The following SCLT1 variants were observed in gnomAD, a reference collection of about 807,000 sequenced individuals.
SCLT1 encodes the protein sodium channel-associated protein 1.
SCLT1 carries 78 observed loss-of-function variants against 112.8 expected under a neutral mutation model. That is an observed-to-expected ratio of 0.69 (90% CI 0.58 to 0.83). SCLT1 has a LOEUF of 0.83. SCLT1 is among the 40% of genes least tolerant of loss of function. SCLT1 has a pLI of 0.00. For missense variants in SCLT1, 747 were observed against 770.4 expected (o/e 0.97, Z 0.36); for synonymous variants, 257 against 254.7 (o/e 1.01, Z -0.09).
chr4:129,060,203 T>C (rs1749829368), intron 2 of SCLT1, among the ~76,000 whole-genome samples: 2 of 152,212 alleles, frequency 1.3e-5, no homozygotes, highest in African/African-American at 2.4e-5. Flanking sequence ...TTTCTCTTTG[T>C]TAAATTTCTT....
At chr4:129,080,167 T>C (rs1751812190) in intron 2 of SCLT1, among the ~76,000 whole-genome samples, 1 of 152,212 alleles carries the variant, frequency 6.6e-6, no homozygotes, top group Admixed American at 6.5e-5. Flanking sequence ...TTGAGGCATC[T>C]TTATTGTCTT....
In SCLT1 at chr4:129,007,461, A is replaced by G. The variant is rs562748809; in HGVS notation, c.291-3585T>C. On this transcript the variant is annotated intron_variant, in intron 5 of 20. Coordinates refer to ENST00000281142, the MANE Select transcript of SCLT1 (RefSeq NM_144643.4). ...TTCAGAACTGTCATATCTTTTGGGC[A>G]AATATAATTTCGTATCATTATGGAA... Among the ~76,000 whole-genome samples, 7 of 152,288 alleles carry G rather than the reference A, an allele frequency of 4.6e-5. No homozygotes were observed. In the South Asian group the frequency reaches 1.4e-3, roughly 32 times the overall value.
intron 4 of SCLT1, chr4:129,040,189 A>T (rs774538768): frequency 1.4e-6 from 1 of 702,692 alleles, no homozygotes; most frequent in Non-Finnish European, 2.6e-6. Flanking sequence ...TGAAAGGTGA[A>T]CTTTTCCAAG....
At chr4:129,058,828 A>G (rs1393996377) in intron 2 of SCLT1, among the ~76,000 whole-genome samples, 1 of 152,172 alleles carries the variant, frequency 6.6e-6, no homozygotes, top group Admixed American at 6.5e-5. Context: ...ATTGTATTAC[A>G]GTCTATCTAT....
intron 18 of SCLT1, among the ~76,000 whole-genome samples, chr4:128,933,694 G>A (rs985582664): frequency 5.9e-5 from 9 of 152,032 alleles, no homozygotes; most frequent in Admixed American, 4.6e-4. Flanking sequence ...CGTTCTTAAC[G>A]AGTAAAATAC....
In SCLT1 at chr4:128,997,112, A is replaced by G. The variant is rs141345250; in HGVS notation, c.615+762T>C. 52 of 152,122 alleles carry G rather than the reference A, an allele frequency of 3.4e-4. 1 individual carries two copies. The highest frequency in any genetic ancestry group is 6.9e-4 in the Non-Finnish European group (47 of 67,888). 9.4% of individuals were successfully genotyped at this position (152,122 alleles called of 1,614,324 possible). A position where few individuals can be genotyped will look rare whatever the true frequency, so the allele number is the denominator to read the frequency against. On this transcript the variant is annotated intron_variant, in intron 8 of 20. Coordinates refer to ENST00000281142, the MANE Select transcript of SCLT1 (RefSeq NM_144643.4). Reference sequence around the variant, plus strand: ...AAACTGTATGTAATTAGACACTTCAAATGTTAACAGAATAGGTACAGATTG... The same window carrying G: ...AAACTGTATGTAATTAGACACTTCAGATGTTAACAGAATAGGTACAGATTG...
chr4:129,038,908 G>C, intron 5 of SCLT1, 133 bp downstream of exon 5: 3 of 660,334 alleles, frequency 4.5e-6, no homozygotes, highest in Non-Finnish European at 8.3e-6. Context: ...ATCGAGCCAG[G>C]AGTCAAATAG....
At chr4:128,896,543 G>C (rs1004188492) in intron 18 of SCLT1, among the ~76,000 whole-genome samples, 1 of 152,140 alleles carries the variant, frequency 6.6e-6, no homozygotes, top group Non-Finnish European at 1.5e-5. Context: ...TCATCAAAGA[G>C]CAAAAGTAGA....
chr4:129,090,307 T>C lies in SCLT1; in HGVS notation c.34+2763A>G, dbSNP rs1408624619. On this transcript the variant is annotated intron_variant, in intron 1 of 20. Transcript: ENST00000281142. The stretch of plus-strand genomic sequence containing the variant: ...AGACAAATAAATCAGTGGAAAAGAA[T>C]AGAGTTCATTAATAGATCCATACAT... 4.6e-5 allele frequency among the ~76,000 whole-genome samples: 7 copies of C among 152,270 alleles called. No individual in the cohort carries two copies. The East Asian group carries it at 9.6e-4, about 21-fold the overall frequency.
intron 11 of SCLT1, among the ~76,000 whole-genome samples, chr4:128,964,128 G>GAT (rs1355961184): frequency 6.6e-6 from 1 of 152,168 alleles, no homozygotes; most frequent in African/African-American, 2.4e-5. Context: ...GGACCATTCT[G>GAT]ATATACCAGT....
chr4:128,907,207 G>C (rs1015737060), intron 18 of SCLT1, among the ~76,000 whole-genome samples: 2 of 152,144 alleles, frequency 1.3e-5, no homozygotes, highest in Non-Finnish European at 2.9e-5. Flanking sequence ...CTTATAAGTC[G>C]TAACAGGAAA....
At chr4:129,041,703 C>G (rs1243429436) in intron 4 of SCLT1, 1 of 152,076 alleles carries the variant, frequency 6.6e-6, no homozygotes, top group Non-Finnish European at 1.5e-5. Flanking sequence ...CACACACAGG[C>G]TGATTCTGAG....
chr4:129,072,657 G>GT (rs77575442), intron 2 of SCLT1, among the ~76,000 whole-genome samples: 5 of 151,774 alleles, frequency 3.3e-5, no homozygotes, highest in Non-Finnish European at 5.9e-5. Flanking sequence ...ATTTTTTATT[G>GT]TTTTTTTCTT....
intron 5 of SCLT1, among the ~76,000 whole-genome samples, chr4:129,019,918 T>C (rs1445537007): frequency 3.9e-5 from 6 of 152,114 alleles, no homozygotes; most frequent in African/African-American, 1.4e-4. Context: ...AAAGTGCAAC[T>C]AGAAATAATC....
chr4:128,908,573 T>C (rs957845742), intron 18 of SCLT1, among the ~76,000 whole-genome samples: 1 of 152,098 alleles, frequency 6.6e-6, no homozygotes, highest in African/African-American at 2.4e-5. Context: ...CATTCATTTA[T>C]TCAATACAAT....
At chr4:128,916,365 T>C (rs1349749896) in intron 18 of SCLT1, among the ~76,000 whole-genome samples, 2 of 152,220 alleles carry the variant, frequency 1.3e-5, no homozygotes, top group African/African-American at 2.4e-5. Flanking sequence ...TTAAACCAAA[T>C]TGATTTGTTA....
At chr4:129,083,602 A>G (rs1362260873) in intron 1 of SCLT1, among the ~76,000 whole-genome samples, 5 of 152,118 alleles carry the variant, frequency 3.3e-5, no homozygotes. Context: ...GGCTACTTTG[A>G]GGCTACAGTG....
chr4:128,987,783 A>G lies in SCLT1; in HGVS notation c.686+4384T>C, dbSNP rs72922086. Among the ~76,000 whole-genome samples the G allele has an allele frequency of 4.7e-3, 715 of 152,280 alleles. 4 individuals carry two copies. The highest frequency in any genetic ancestry group is 0.016 in the African/African-American group (656 of 41,564). ...AGAAAGTTTATTCAAAGACATAATA[A>G]CAGAGAACTTTCCAAACCCACAGAA... On this transcript the variant is annotated intron_variant, in intron 9 of 20. Transcript: ENST00000281142.
chr4:128,927,300 G>A (rs1030747177), intron 18 of SCLT1, among the ~76,000 whole-genome samples: 3 of 151,940 alleles, frequency 2.0e-5, no homozygotes, highest in Admixed American at 6.6e-5. Flanking sequence ...ATAATTTGAG[G>A]CCAATTACTC....
Sources: allele counts gnomAD v4.1 joint callset (sites outside exome capture counted in the v4.1 genomes callset), GRCh38; gene constraint gnomAD v4.1.1; transcripts MANE v1.5; gene names NCBI Gene and HGNC (gene_info 2026-07-23, HGNC 2026-07-21).